TP53I13: variants seen among roughly 807,000 people sequenced by gnomAD.
TP53I13 encodes the protein tumor protein p53 inducible protein 13.
A neutral mutation model predicts 39.1 loss-of-function variants in TP53I13; 27 were observed. That is an observed-to-expected ratio of 0.69 (90% CI 0.51 to 0.95). The LOEUF is 0.95. Among genes scored for constraint, TP53I13 ranks in the 40% least tolerant of loss-of-function variants. The probability of loss-of-function intolerance (pLI) is 0.00; values close to 1 mark genes in which losing one functional copy is unlikely to be tolerated. For synonymous variants in TP53I13, 230 were observed against 224.6 expected, an observed-to-expected ratio of 1.02 and a Z score of -0.22; for missense variants, 544 against 520.4, an observed-to-expected ratio of 1.05 and a Z score of -0.44.
In TP53I13 at chr17:29,568,937, C is replaced by A; in HGVS notation, c.73-81C>A. On this transcript the variant is annotated intron_variant, in intron 1 of 6. Transcript: ENST00000301057. This position sits in a 1 kb window ranked among gnomAD's most constrained non-coding sequence, Gnocchi z 4.5. Reference sequence around the variant, plus strand: ...CGCCGAGGGGGACGCGGAGTTCTTCCGCTGGCGGGCTGGGCCTGGGGAGAG... The same window carrying A: ...CGCCGAGGGGGACGCGGAGTTCTTCAGCTGGCGGGCTGGGCCTGGGGAGAG... The A allele has an allele frequency of 6.3e-7, 1 of 1,594,942 alleles. No homozygotes were observed. The highest frequency in any genetic ancestry group is 2.2e-5 in the East Asian group (1 of 44,486).
Position 29,569,311 on chromosome 17 carries a change from T to A in TP53I13, c.142-7T>A, listed in dbSNP as rs1555571915. ...TGCCCTAAGCTCTGTTCTTTCCCCA[T>A]GTATAGGTGTCACCAAGAGTGACCT... On this transcript the variant is annotated splice_region_variant and splice_polypyrimidine_tract_variant and intron_variant, in intron 2 of 6. Coordinates refer to ENST00000301057, the MANE Select transcript of TP53I13 (RefSeq NM_138349.4). 2 of 1,613,694 alleles carry A rather than the reference T, an allele frequency of 1.2e-6. No individual in the cohort carries two copies. Among genetic ancestry groups the A allele is most frequent in the South Asian group, 2.2e-5 (2 of 90,962 alleles).
chr17:29,572,927 G>C lies in TP53I13; in HGVS notation c.*3G>C, dbSNP rs575235792. The C allele has an allele frequency of 3.4e-6, 5 of 1,471,126 alleles. No individual in the cohort carries two copies. In the South Asian group the frequency reaches 6.6e-5, roughly 19 times the overall value. 91.1% of individuals were successfully genotyped at this position (1,471,126 alleles called of 1,614,324 possible). A position where few individuals can be genotyped will look rare whatever the true frequency, so the allele number is the denominator to read the frequency against. ...CGGAAGGCGAGAGCTCGGAGTGACG[G>C]CCTGGGACCTGCCACTGTGGCGTGC... On this transcript the variant is annotated 3_prime_UTR_variant, in exon 7 of 7. Coordinates refer to ENST00000301057, the MANE Select transcript of TP53I13 (RefSeq NM_138349.4).
chr17:29,571,751 C>T (rs2032934190), intron 4 of TP53I13, 32 bp downstream of exon 4: 2 of 1,613,940 alleles, frequency 1.2e-6, no homozygotes, highest in East Asian at 4.5e-5. Flanking sequence ...CTTGCCTGGC[C>T]CTGGCAGAAG....
At chr17:29,578,583 G>A in the TP53I13 span, 2 of 864,010 alleles carry the variant, frequency 2.3e-6, no homozygotes, top group Non-Finnish European at 4.0e-6. Context: ...AGGGAGGTCA[G>A]GGAGAGGGGA....
Sources: gnomAD v4.1 joint callset for allele counts on GRCh38, gnomAD v4.1.1 for gene constraint, Gnocchi (gnomAD v3.1) non-coding constraint, MANE v1.5 for transcripts, NCBI Gene and HGNC (gene_info 2026-07-23, HGNC 2026-07-21) for gene names.